The following TSPAN18 variants were observed in gnomAD, a reference collection of about 807,000 sequenced individuals.
The protein encoded by TSPAN18 is tetraspanin 18, also known as tetraspanin-18.
Under a neutral mutation model 27.3 loss-of-function variants are expected in TSPAN18, and 14 were observed. The observed-to-expected ratio is 0.51, with a 90% CI of 0.34 to 0.80. The LOEUF is 0.80. TSPAN18 is among the 30% of genes least tolerant of loss of function. The pLI, the probability that TSPAN18 is intolerant of heterozygous loss-of-function variation, is 0.01. For synonymous variants in TSPAN18, 143 were observed against 136.5 expected, an observed-to-expected ratio of 1.05 and a Z score of -0.33; for missense variants, 268 against 323.9, an observed-to-expected ratio of 0.83 and a Z score of 1.32.
chr11:44,729,103 T>C (rs1854590210), intron 1 of TSPAN18, among the ~76,000 whole-genome samples: 1 of 152,206 alleles, frequency 6.6e-6, no homozygotes, highest in South Asian at 2.1e-4. Context: ...TGGATGCTAC[T>C]GAAATGCTCC....
chr11:44,877,598 C>A (rs1255864415), intron 3 of TSPAN18, among the ~76,000 whole-genome samples: 1 of 152,178 alleles, frequency 6.6e-6, no homozygotes, highest in East Asian at 1.9e-4. Context: ...GCATCTGGGG[C>A]CTCAGAAAGC....
chr11:44,856,112 T>C lies in TSPAN18; in HGVS notation c.-152-4216T>C, dbSNP rs530585896. Reference sequence around the variant, plus strand: ...GTTAGCCAGGATGGTCTTGATCTCCTAACCTCATGATCTACCCGCCTCAGC... The same window carrying C: ...GTTAGCCAGGATGGTCTTGATCTCCCAACCTCATGATCTACCCGCCTCAGC... On this transcript the variant is annotated intron_variant, in intron 2 of 9. Transcript: ENST00000520358. Among the ~76,000 whole-genome samples the C allele has an allele frequency of 3.9e-3, 587 of 152,150 alleles. 5 individuals are homozygous for C. The highest frequency in any genetic ancestry group is 0.015 in the South Asian group (71 of 4,816).
Position 44,919,919 on chromosome 11 carries a change from A to G in TSPAN18, c.535A>G (p.Arg179Gly). Residue 179 changes from arginine to glycine, a missense_variant, in exon 8 of 10, where the codon AGG becomes GGG. Transcript: ENST00000520358. ...AGAGGTGCCGGAGGCCTGCTGCCGG[A>G]GGGAACCCCAAAGTCGGGACGGGGT... ...SEEVPEACCRREPQSRDGVLL... is the reference protein window; with the variant it reads ...SEEVPEACCRGEPQSRDGVLL... The G allele has an allele frequency of 2.5e-6, 4 of 1,614,142 alleles. No individual in the cohort carries two copies. Among genetic ancestry groups the G allele is most frequent in the Non-Finnish European group, 3.4e-6 (4 of 1,180,008 alleles).
chr11:44,841,878 A>G (rs1470206768), intron 2 of TSPAN18, among the ~76,000 whole-genome samples: 1 of 152,234 alleles, frequency 6.6e-6, no homozygotes, highest in Non-Finnish European at 1.5e-5. Flanking sequence ...TAAGTCTAAT[A>G]TGAAGTCATA....
At chr11:44,765,967 A>G (rs904618814) in intron 2 of TSPAN18, among the ~76,000 whole-genome samples, 6 of 152,150 alleles carry the variant, frequency 3.9e-5, no homozygotes, top group African/African-American at 1.4e-4. Flanking sequence ...AGCTCCCCGC[A>G]CTGTTTCTTG....
chr11:44,816,772 A>G (rs1331507879), intron 2 of TSPAN18, among the ~76,000 whole-genome samples: 1 of 152,194 alleles, frequency 6.6e-6, no homozygotes, highest in African/African-American at 2.4e-5. Context: ...GTCTGCTCCC[A>G]AGCTGCTGCT....
At chr11:44,911,672 G>T (rs1181423815) in intron 5 of TSPAN18, among the ~76,000 whole-genome samples, 2 of 151,934 alleles carry the variant, frequency 1.3e-5, no homozygotes, top group African/African-American at 4.8e-5. Flanking sequence ...ATTGTTAATG[G>T]GCTCGGCTCT....
At chr11:44,916,881 C>T (rs1008247794) in intron 5 of TSPAN18, among the ~76,000 whole-genome samples, 5 of 152,312 alleles carry the variant, frequency 3.3e-5, no homozygotes, top group South Asian at 2.1e-4. Flanking sequence ...AGGGTGACAA[C>T]GGACTTTGTC....
intron 2 of TSPAN18, among the ~76,000 whole-genome samples, chr11:44,784,308 C>A (rs1418948952): frequency 2.0e-5 from 3 of 152,138 alleles, no homozygotes; most frequent in African/African-American, 4.8e-5. Context: ...CCTGTACCAG[C>A]GTATGTCAGC....
intron 4 of TSPAN18, 122 bp downstream of exon 4, chr11:44,906,601 T>C: frequency 2.2e-6 from 2 of 911,882 alleles, no homozygotes; most frequent in Non-Finnish European, 3.5e-6. Flanking sequence ...GAGGCAGGGG[T>C]ACCTGCCAGC....
At chr11:44,773,173 T>C (rs1295887763) in intron 2 of TSPAN18, among the ~76,000 whole-genome samples, 2 of 151,988 alleles carry the variant, frequency 1.3e-5, no homozygotes, top group Non-Finnish European at 2.9e-5. Flanking sequence ...TCCCAGCACT[T>C]TGGGAGGCCA....
chr11:44,744,837 T>C (rs1156464399), intron 1 of TSPAN18, among the ~76,000 whole-genome samples: 1 of 152,198 alleles, frequency 6.6e-6, no homozygotes, highest in African/African-American at 2.4e-5. Flanking sequence ...TGGTAGTACC[T>C]GGATGGCAGA....
intron 1 of TSPAN18, among the ~76,000 whole-genome samples, chr11:44,747,298 C>T (rs928826596): frequency 3.3e-5 from 5 of 152,256 alleles, no homozygotes; most frequent in Non-Finnish European, 5.9e-5. Flanking sequence ...CAGCAAGGAG[C>T]TCGTTGCTTG....
Position 44,909,709 on chromosome 11 carries a change from G to A in TSPAN18, c.68G>A (p.Gly23Asp). 3 of 1,609,784 alleles carry A rather than the reference G, an allele frequency of 1.9e-6. No homozygotes were observed. The highest frequency in any genetic ancestry group is 1.3e-5 in the African/African-American group (1 of 75,004). ...MFVFNFFIFLGGACLLAIGIW... is the reference protein window; with the variant it reads ...MFVFNFFIFLDGACLLAIGIW... ...CTCCTCCACTGGCCCGAGCAGCTGG[G>A]CGGGGCCTGCCTGCTGGCCATCGGC... The change falls in exon 5 of 10, where the codon GGC (glycine) becomes GAC (aspartate). Residue 23 changes from glycine (G) to aspartate (D), a missense_variant. Physicochemically the swap from Gly to Asp is moderately conservative, Grantham distance 94. Transcript: ENST00000520358.
chr11:44,748,810 G>A lies in TSPAN18; in HGVS notation c.-239-15616G>A, dbSNP rs548019924. Among the ~76,000 whole-genome samples, 46 of 152,298 alleles carry A rather than the reference G, an allele frequency of 3.0e-4. 1 individual carries two copies. Among genetic ancestry groups the A allele is most frequent in the Admixed American group, 6.5e-4 (10 of 15,296 alleles). On this transcript the variant is annotated intron_variant, in intron 1 of 9. Coordinates refer to ENST00000520358, the MANE Select transcript of TSPAN18 (RefSeq NM_130783.5). ...CGGCGGAAATCAAGACAAAGATTTT[G>A]CGTTTCCTGCACCACATCCACCAGA... is the stretch of plus-strand genomic sequence containing the variant.
At chr11:44,764,615 T>C (rs932808164) in intron 2 of TSPAN18, 103 bp downstream of exon 2, 1 of 152,310 alleles carries the variant, frequency 6.6e-6, no homozygotes, top group Non-Finnish European at 1.5e-5. Flanking sequence ...ACCACTTCCA[T>C]GTGAGAGGGC....
At chr11:44,845,354 G>A (rs995997271) in intron 2 of TSPAN18, among the ~76,000 whole-genome samples, 1 of 152,222 alleles carries the variant, frequency 6.6e-6, no homozygotes, top group African/African-American at 2.4e-5. Context: ...TCGATGAAAG[G>A]TGATACTGCG....
rs1204560941 is a variant in TSPAN18 at position 44,728,097 on chromosome 11, G to A, written c.-240+810G>A. On this transcript the variant is annotated intron_variant, in intron 1 of 9. Transcript: ENST00000520358. ...ACCGCGCCGACATCCAGGACGCAGGGACCACAGACACCCAACTTACGCGGG... is the reference window on the plus strand; with the variant it reads ...ACCGCGCCGACATCCAGGACGCAGGAACCACAGACACCCAACTTACGCGGG... 2.0e-5 allele frequency among the ~76,000 whole-genome samples: 3 copies of A among 152,322 alleles called. No homozygotes were observed. In the East Asian group the frequency reaches 5.8e-4, roughly 29 times the overall value.
chr11:44,912,971 C>T (rs74843726), intron 5 of TSPAN18, among the ~76,000 whole-genome samples: 51 of 151,808 alleles, frequency 3.4e-4, no homozygotes, highest in African/African-American at 1.2e-3. Context: ...GAGAAAGGCA[C>T]CAAAGTTTCT....
Sources: allele counts gnomAD v4.1 joint callset (sites outside exome capture counted in the v4.1 genomes callset), GRCh38; gene constraint gnomAD v4.1.1; transcripts MANE v1.5; gene names NCBI Gene and HGNC (gene_info 2026-07-23, HGNC 2026-07-21).